The following CRYBG1 variants were observed in gnomAD, a reference collection of about 807,000 sequenced individuals.
CRYBG1 encodes beta/gamma crystallin domain-containing protein 1.
Under a neutral mutation model 189.2 loss-of-function variants are expected in CRYBG1, and 139 were observed. The observed-to-expected ratio is 0.73, with a 90% CI of 0.64 to 0.85. The LOEUF is 0.85. CRYBG1 is among the 40% of genes least tolerant of loss of function. The probability of loss-of-function intolerance (pLI) is 0.00; values close to 1 mark genes in which losing one functional copy is unlikely to be tolerated. For synonymous variants in CRYBG1, 1,023 were observed against 1,017.1 expected (o/e 1.01, Z -0.11); for missense variants, 2,611 against 2,675.8 (o/e 0.98, Z 0.53).
At chr6:106,564,840 T>G (rs1420880104) in intron 21 of CRYBG1, among the ~76,000 whole-genome samples, 1 of 151,138 alleles carries the variant, frequency 6.6e-6, no homozygotes, top group Non-Finnish European at 1.5e-5. Flanking sequence ...TTATTCCCTA[T>G]CAGGAAAGTC....
chr6:106,474,502 TA>T (rs1490668578), intron 2 of CRYBG1, among the ~76,000 whole-genome samples: 1 of 152,244 alleles, frequency 6.6e-6, no homozygotes, highest in Non-Finnish European at 1.5e-5. Context: ...TTTTACTTTT[TA>T]TTTAGTATTT....
intron 2 of CRYBG1, among the ~76,000 whole-genome samples, chr6:106,479,935 AT>A (rs201332788): frequency 2.7e-5 from 4 of 150,506 alleles, no homozygotes; most frequent in Admixed American, 6.6e-5. Flanking sequence ...TAACTTATCT[AT>A]TTTTTTTTCA....
chr6:106,441,916 A>AT (rs1360269404), intron 1 of CRYBG1, among the ~76,000 whole-genome samples: 1 of 152,166 alleles, frequency 6.6e-6, no homozygotes, highest in African/African-American at 2.4e-5. Context: ...ATTGAAAATG[A>AT]TTTTTTTAGT....
At chr6:106,547,201 CA>C (rs1324380472) in intron 13 of CRYBG1, among the ~76,000 whole-genome samples, 5 of 146,274 alleles carry the variant, frequency 3.4e-5, no homozygotes, top group South Asian at 2.2e-4. Flanking sequence ...CACACACACA[CA>C]CACACACACA....
At chr6:106,483,106 C>T (rs1031227251) in intron 2 of CRYBG1, among the ~76,000 whole-genome samples, 3 of 152,064 alleles carry the variant, frequency 2.0e-5, no homozygotes, top group African/African-American at 7.2e-5. Flanking sequence ...CTAATTGTCA[C>T]TTTGTACCTG....
intron 7 of CRYBG1, among the ~76,000 whole-genome samples, chr6:106,529,863 C>T (rs1773838415): frequency 6.6e-6 from 1 of 152,156 alleles, no homozygotes; most frequent in Non-Finnish European, 1.5e-5. Flanking sequence ...ACCAAAACCC[C>T]AGACCAAAGA....
At chr6:106,510,035 A>T (rs1773213714) in intron 2 of CRYBG1, among the ~76,000 whole-genome samples, 1 of 152,108 alleles carries the variant, frequency 6.6e-6, no homozygotes, top group Admixed American at 6.5e-5. Context: ...AACGCAATGG[A>T]GCTTCAAAGG....
At chr6:106,401,653 G>A (rs1198347674) in intron 1 of CRYBG1, among the ~76,000 whole-genome samples, 37 of 113,602 alleles carry the variant, frequency 3.3e-4, no homozygotes, top group South Asian at 3.1e-3. Flanking sequence ...GAGAATATGC[G>A]GTGTTTGGTT....
rs758613427 is a variant in CRYBG1 at position 106,527,344 on chromosome 6, C to T, written c.4452C>T (p.Ser1484=). 1 of 1,613,004 alleles carries T rather than the reference C, an allele frequency of 6.2e-7. No individual in the cohort carries two copies. Among genetic ancestry groups the T allele is most frequent in the Non-Finnish European group, 8.5e-7 (1 of 1,179,440 alleles). The change falls in exon 7 of 22, where the codon TCC becomes TCT. Residue 1484 remains serine, a synonymous_variant. Coordinates refer to ENST00000633556, the MANE Select transcript of CRYBG1 (RefSeq NM_001371242.2). ...AGCAACCAAATTTTGAAGGGCACTC[C>T]ATCCCCTTAGAAGAAGGAGAATTGG... ...LYEQPNFEGH[S]IPLEEGELEL...
Position 106,520,245 on chromosome 6 carries a change from G to C in CRYBG1, c.3037G>C (p.Glu1013Gln). 1 of 1,614,162 alleles carries C rather than the reference G, an allele frequency of 6.2e-7. No homozygotes were observed. ...APPQEEVLGN[E>Q]HSHCTAELAA... ...CCCACAAGAGGAAGTACTGGGCAAT[G>C]AACACTCTCATTGCACAGCAGAGCT... Residue 1013 changes from glutamate (E) to glutamine (Q), a missense_variant, in exon 4 of 22, where the codon GAA becomes CAA. Glu to Gln is a conservative substitution (Grantham distance 29). Coordinates refer to ENST00000633556, the MANE Select transcript of CRYBG1 (RefSeq NM_001371242.2).
intron 1 of CRYBG1, among the ~76,000 whole-genome samples, chr6:106,375,324 T>A (rs951878714): frequency 1.3e-5 from 2 of 152,128 alleles, no homozygotes; most frequent in East Asian, 3.8e-4. Flanking sequence ...AGTTCAAAGC[T>A]GCAGTGAGCT....
chr6:106,447,730 G>A (rs1052708868), intron 1 of CRYBG1, among the ~76,000 whole-genome samples: 2 of 152,002 alleles, frequency 1.3e-5, no homozygotes, highest in Non-Finnish European at 2.9e-5. Context: ...AGTTCCAGAG[G>A]TAACCATTAT....
intron 3 of CRYBG1, among the ~76,000 whole-genome samples, chr6:106,517,626 A>G (rs1233622588): frequency 6.6e-6 from 1 of 151,986 alleles, no homozygotes; most frequent in Admixed American, 6.6e-5. Flanking sequence ...GGACAGCCCC[A>G]TCCTCATCCC....
intron 2 of CRYBG1, among the ~76,000 whole-genome samples, chr6:106,452,129 G>A (rs952739671): frequency 1.4e-5 from 2 of 147,926 alleles, no homozygotes; most frequent in Admixed American, 6.7e-5. Context: ...GAGCTTGGCC[G>A]GGCCTGGTGG....
At chr6:106,381,346 G>A (rs779940800) in intron 1 of CRYBG1, among the ~76,000 whole-genome samples, 4 of 152,116 alleles carry the variant, frequency 2.6e-5, no homozygotes, top group Non-Finnish European at 5.9e-5. Flanking sequence ...TTCTGCTCAC[G>A]GTTCAGCCAT....
intron 1 of CRYBG1, among the ~76,000 whole-genome samples, chr6:106,435,271 T>C (rs1422758201): frequency 1.3e-5 from 2 of 152,040 alleles, no homozygotes; most frequent in Non-Finnish European, 2.9e-5. Context: ...GCTCAAGCCA[T>C]CCTCCTCCCA....
Position 106,519,938 on chromosome 6 carries a change from A to T in CRYBG1, c.2730A>T (p.Gly910=). The T allele has an allele frequency of 1.2e-6, 2 of 1,614,166 alleles. No homozygotes were observed. The highest frequency in any genetic ancestry group is 1.6e-4 in the Middle Eastern group (1 of 6,062). ...TDLKVSENHK[G]CVLPVSRQNN... Reference sequence around the variant, plus strand: ...TAAAAGTGTCAGAAAACCATAAAGGATGTGTTTTGCCTGTGTCTCGTCAGA... The same window carrying T: ...TAAAAGTGTCAGAAAACCATAAAGGTTGTGTTTTGCCTGTGTCTCGTCAGA... The change falls in exon 4 of 22, where the codon GGA becomes GGT. Residue 910 remains glycine (G), a synonymous_variant. Coordinates refer to ENST00000633556, the MANE Select transcript of CRYBG1 (RefSeq NM_001371242.2).
At chr6:106,465,960 A>C (rs1772106406) in intron 2 of CRYBG1, among the ~76,000 whole-genome samples, 1 of 152,222 alleles carries the variant, frequency 6.6e-6, no homozygotes, top group South Asian at 2.1e-4. Flanking sequence ...GTGCATTAGC[A>C]ACCTTAAATA....
chr6:106,561,143 C>T (rs1271255781), intron 19 of CRYBG1, among the ~76,000 whole-genome samples, 199 bp from the exon 20 acceptor site: 1 of 152,254 alleles, frequency 6.6e-6, no homozygotes, highest in African/African-American at 2.4e-5. Context: ...CAGTTATCCA[C>T]AGGCAGGCAC....
Sources: allele counts gnomAD v4.1 joint callset (sites outside exome capture counted in the v4.1 genomes callset), GRCh38; gene constraint gnomAD v4.1.1; transcripts MANE v1.5; gene names NCBI Gene and HGNC (gene_info 2026-07-23, HGNC 2026-07-21).